The following SLC2A13 variants were observed in gnomAD, a reference collection of about 807,000 sequenced individuals.
SLC2A13 encodes the protein solute carrier family 2 member 13, also known as proton myo-inositol cotransporter.
A neutral mutation model predicts 64.4 loss-of-function variants in SLC2A13; 32 were observed. The observed-to-expected ratio is 0.50, with a 90% CI of 0.37 to 0.67. The LOEUF (loss-of-function observed/expected upper bound fraction) is 0.67, where lower values mean the gene tolerates loss of function less well. Among genes scored for constraint, SLC2A13 ranks in the 30% least tolerant of loss-of-function variants. The pLI is 0.00. For missense variants in SLC2A13, 743 were observed against 829.2 expected (o/e 0.90, Z 1.28); for synonymous variants, 338 against 327.1 (o/e 1.03, Z -0.36).
At chr12:39,953,716 A>G (rs1268292653) in intron 3 of SLC2A13, among the ~76,000 whole-genome samples, 1 of 152,188 alleles carries the variant, frequency 6.6e-6, no homozygotes, top group Non-Finnish European at 1.5e-5. Flanking sequence ...ACCTTTAACC[A>G]ACTAGATTAG....
chr12:39,943,703 G>A (rs1430407607), intron 4 of SLC2A13, among the ~76,000 whole-genome samples: 1 of 152,190 alleles, frequency 6.6e-6, no homozygotes, highest in African/African-American at 2.4e-5. Flanking sequence ...CGTGGGGTGG[G>A]ATCCACTGAG....
intron 3 of SLC2A13, among the ~76,000 whole-genome samples, chr12:39,980,134 G>A (rs1421563961): frequency 6.6e-6 from 1 of 151,446 alleles, no homozygotes; most frequent in African/African-American, 2.4e-5. Context: ...GAGAGATTTT[G>A]TCACCACCAG....
intron 4 of SLC2A13, among the ~76,000 whole-genome samples, chr12:39,882,452 C>A (rs1463115838): frequency 6.6e-6 from 1 of 152,194 alleles, no homozygotes; most frequent in Non-Finnish European, 1.5e-5. Context: ...CTACCTATAT[C>A]CAGTTATTCT....
chr12:39,951,352 G>A lies in SLC2A13; in HGVS notation c.939C>T (p.Ile313=). 3 of 1,583,138 alleles carry A rather than the reference G, an allele frequency of 1.9e-6. No homozygotes were observed. Among genetic ancestry groups the A allele is most frequent in the Non-Finnish European group, 1.7e-6 (2 of 1,167,876 alleles). Residue 313 remains isoleucine, a synonymous_variant, in exon 4 of 10, where the codon ATC becomes ATT. Coordinates refer to ENST00000280871, the MANE Select transcript of SLC2A13 (RefSeq NM_052885.4). ...TTGGGGGATAACTCAGCATTCTGCA[G>A]ATCACAGGTCCAGCTTTTTTAAGAA... The part of the protein sequence containing the change: ...EKEVGSAGPV[I]CRMLSYPPTR...
intron 7 of SLC2A13, among the ~76,000 whole-genome samples, chr12:39,817,673 T>C (rs1566825262): frequency 6.6e-6 from 1 of 152,338 alleles, no homozygotes; most frequent in Non-Finnish European, 1.5e-5. Context: ...TTTCAGTTAG[T>C]AGTCATCTTA....
chr12:39,931,980 G>A (rs1250523787), intron 4 of SLC2A13, among the ~76,000 whole-genome samples: 5 of 151,892 alleles, frequency 3.3e-5, no homozygotes, highest in Non-Finnish European at 7.4e-5. Context: ...TCTTGTAGCT[G>A]TTCTTTTCTT....
chr12:40,072,315 T>C (rs1195404902), intron 1 of SLC2A13, among the ~76,000 whole-genome samples: 3 of 152,158 alleles, frequency 2.0e-5, no homozygotes, highest in African/African-American at 7.2e-5. Context: ...GTTCAGAATG[T>C]GTTCTACGTT....
intron 1 of SLC2A13, among the ~76,000 whole-genome samples, chr12:40,101,490 T>C (rs1252117918): frequency 2.0e-5 from 3 of 152,164 alleles, no homozygotes; most frequent in Non-Finnish European, 2.9e-5. Context: ...CAGCAAATGA[T>C]TGCTAATACC....
chr12:40,025,830 T>A (rs1296860100), intron 3 of SLC2A13, among the ~76,000 whole-genome samples: 1 of 152,218 alleles, frequency 6.6e-6, no homozygotes, highest in African/African-American at 2.4e-5. Flanking sequence ...CAGTGCATTT[T>A]TATTACTTTG....
At chr12:39,855,281 T>C (rs1943578253) in intron 6 of SLC2A13, among the ~76,000 whole-genome samples, 1 of 152,240 alleles carries the variant, frequency 6.6e-6, no homozygotes, top group Non-Finnish European at 1.5e-5. Context: ...CCTTGTACTT[T>C]TATATAACAA....
intron 3 of SLC2A13, among the ~76,000 whole-genome samples, chr12:40,026,321 C>T (rs780987325): frequency 5.3e-5 from 8 of 152,112 alleles, no homozygotes; most frequent in Admixed American, 1.3e-4. Context: ...AAACCTGTGC[C>T]AAATGTGAAT....
At chr12:39,888,797 A>G (rs557149026) in intron 4 of SLC2A13, among the ~76,000 whole-genome samples, 1 of 151,210 alleles carries the variant, frequency 6.6e-6, no homozygotes, top group African/African-American at 2.5e-5. Context: ...AAATTTTATA[A>G]TATTATATTA....
intron 9 of SLC2A13, among the ~76,000 whole-genome samples, chr12:39,762,162 C>G (rs1478261300): frequency 6.6e-6 from 1 of 152,022 alleles, no homozygotes; most frequent in Non-Finnish European, 1.5e-5. Context: ...GTGGCTAAGT[C>G]GTGGAGGAGT....
intron 2 of SLC2A13, among the ~76,000 whole-genome samples, chr12:40,035,055 A>G (rs1044545985): frequency 1.6e-4 from 25 of 152,146 alleles, no homozygotes; most frequent in Non-Finnish European, 1.6e-4. Context: ...AACCCCTTCA[A>G]CCTCATCCAA....
rs188125646 is a variant in SLC2A13, at chr12:40,101,670, T to A, written c.556+3583A>T. On this transcript the variant is annotated intron_variant, in intron 1 of 9. Transcript: ENST00000280871. The stretch of plus-strand genomic sequence containing the variant: ...TCCAAATAAACCATATTCAGCCTAA[T>A]CCCCCCAAAACATTCCAGTCTCATG... 8.5e-4 allele frequency among the ~76,000 whole-genome samples: 129 copies of A among 152,114 alleles called. 1 individual carries two copies. The highest frequency in any genetic ancestry group is 1.6e-3 in the Non-Finnish European group (109 of 67,980).
chr12:39,942,364 T>A (rs1946046934), intron 4 of SLC2A13, among the ~76,000 whole-genome samples: 1 of 152,234 alleles, frequency 6.6e-6, no homozygotes, highest in South Asian at 2.1e-4. Context: ...TTTCCATTTG[T>A]TTGTGTCATC....
intron 2 of SLC2A13, among the ~76,000 whole-genome samples, chr12:40,029,819 C>A (rs1410376736): frequency 6.6e-6 from 1 of 152,126 alleles, no homozygotes; most frequent in Non-Finnish European, 1.5e-5. Context: ...AGTGTTAAAT[C>A]TTATTGGAGG....
intron 4 of SLC2A13, among the ~76,000 whole-genome samples, chr12:39,872,389 T>A (rs1944080262): frequency 6.6e-6 from 1 of 152,158 alleles, no homozygotes; most frequent in Admixed American, 6.5e-5. Flanking sequence ...CATAAGAGAA[T>A]GTAATATAGT....
chr12:39,905,521 A>C (rs1945248349), intron 4 of SLC2A13, among the ~76,000 whole-genome samples: 1 of 152,140 alleles, frequency 6.6e-6, no homozygotes, highest in East Asian at 1.9e-4. Context: ...CTCATTTACA[A>C]ATATGGTCTA....
Sources: allele counts gnomAD v4.1 joint callset (sites outside exome capture counted in the v4.1 genomes callset), GRCh38; gene constraint gnomAD v4.1.1; transcripts MANE v1.5; gene names NCBI Gene and HGNC (gene_info 2026-07-23, HGNC 2026-07-21).